The following PCDHGA7 variants were observed in gnomAD, a reference collection of about 807,000 sequenced individuals.
The protein encoded by PCDHGA7 is protocadherin gamma-A7.
A neutral mutation model predicts 58.3 loss-of-function variants in PCDHGA7; 44 were observed. That is an observed-to-expected ratio of 0.75 (90% CI 0.59 to 0.97). The LOEUF is 0.97. Among genes scored for constraint, PCDHGA7 ranks in the 50% least tolerant of loss-of-function variants. The probability of loss-of-function intolerance (pLI) is 0.00; values close to 1 mark genes in which losing one functional copy is unlikely to be tolerated. For synonymous variants in PCDHGA7, 516 were observed against 504.2 expected, an observed-to-expected ratio of 1.02 and a Z score of -0.31; for missense variants, 1,266 against 1,188.7, an observed-to-expected ratio of 1.06 and a Z score of -0.96.
At position 141,463,610 on chromosome 5, in the gene PCDHGA7, G is replaced by T. The variant is rs189991450; in HGVS notation, c.2425-31197G>T. Among the ~76,000 whole-genome samples, 263 of 151,786 alleles carry T rather than the reference G, an allele frequency of 1.7e-3. 1 individual carries two copies. The highest frequency in any genetic ancestry group is 3.4e-3 in the Middle Eastern group (1 of 292). ...ACTACAGGTGCCTGCCACCATGCCC[G>T]GCTAATTTTTTGTATTTTGTTTAGT... On this transcript the variant is annotated intron_variant, in intron 1 of 3. Transcript: ENST00000518325.
At position 141,414,686 on chromosome 5, in the gene PCDHGA7, C is replaced by A. The variant is rs201724090; in HGVS notation, c.2424+29363C>A. On this transcript the variant is annotated intron_variant, in intron 1 of 3. Coordinates refer to ENST00000518325, the MANE Select transcript of PCDHGA7 (RefSeq NM_018920.4). ...GCTGAAGACACCATCCAGGGGGTAC[C>A]TCTGTCCTCATACATATCCATCAAC... 57 of 1,613,924 alleles carry A rather than the reference C, an allele frequency of 3.5e-5. No homozygotes were observed. The highest frequency in any genetic ancestry group is 1.6e-4 in the Middle Eastern group (1 of 6,084).
intron 1 of PCDHGA7, among the ~76,000 whole-genome samples, chr5:141,482,458 C>G (rs986628162): frequency 1.4e-5 from 2 of 147,624 alleles, no homozygotes; most frequent in African/African-American, 2.6e-5. Flanking sequence ...ATTAGCATCC[C>G]TATGTGCCAG....
intron 1 of PCDHGA7, chr5:141,388,653 C>T (rs1315025499): frequency 6.2e-7 from 1 of 1,613,728 alleles, no homozygotes; most frequent in Non-Finnish European, 8.5e-7. Context: ...AAACGTGTAC[C>T]CGGGGACCAC....
chr5:141,481,676 G>T (rs975849679), intron 1 of PCDHGA7, among the ~76,000 whole-genome samples: 1 of 152,028 alleles, frequency 6.6e-6, no homozygotes, highest in Non-Finnish European at 1.5e-5. Flanking sequence ...AAATCAGGCC[G>T]GGCCTGGTGG....
intron 1 of PCDHGA7, among the ~76,000 whole-genome samples, chr5:141,469,186 G>T (rs536021769): frequency 6.6e-6 from 1 of 151,978 alleles, no homozygotes; most frequent in Admixed American, 6.6e-5. Flanking sequence ...TGAGGCAAGA[G>T]GATTGCTTGA....
At chr5:141,403,240 T>A (rs948095468) in intron 1 of PCDHGA7, 2 of 1,613,926 alleles carry the variant, frequency 1.2e-6, no homozygotes, top group Admixed American at 3.3e-5. Flanking sequence ...AGGAGCTCTG[T>A]GCTCAGAGCC....
At position 141,384,379 on chromosome 5, in the gene PCDHGA7, G is replaced by C; in HGVS notation, c.1480G>C (p.Asp494His). The change falls in exon 1 of 4, where the codon GAC becomes CAC. Residue 494 changes from aspartate to histidine, a missense_variant. Asp to His is a moderately conservative substitution (Grantham distance 81). Coordinates refer to ENST00000518325, the MANE Select transcript of PCDHGA7 (RefSeq NM_018920.4). ...NAQITYSLAE[D>H]TIQGAPVSSY... ...CCAGATCACTTATTCCTTGGCCGAA[G>C]ACACCATCCAGGGGGCTCCAGTGTC... The C allele has an allele frequency of 6.2e-7, 1 of 1,613,934 alleles. No homozygotes were observed. The highest frequency in any genetic ancestry group is 8.5e-7 in the Non-Finnish European group (1 of 1,179,902).
intron 1 of PCDHGA7, chr5:141,404,934 C>A: frequency 5.6e-6 from 9 of 1,613,986 alleles, no homozygotes; most frequent in Non-Finnish European, 6.8e-6. Flanking sequence ...GTCACGCTCA[C>A]AGTAGCCATA....
At chr5:141,464,685 C>A (rs1283627323) in intron 1 of PCDHGA7, among the ~76,000 whole-genome samples, 1 of 152,006 alleles carries the variant, frequency 6.6e-6, no homozygotes, top group Non-Finnish European at 1.5e-5. Flanking sequence ...ATTAAAATTT[C>A]TCTTATTATG....
chr5:141,403,850 G>A lies in PCDHGA7; in HGVS notation c.2424+18527G>A, dbSNP rs368454282. The A allele has an allele frequency of 1.4e-5, 23 of 1,613,634 alleles. No individual in the cohort carries two copies. In the African/African-American group the frequency reaches 3.1e-4, roughly 22 times the overall value. On this transcript the variant is annotated intron_variant, in intron 1 of 3. Coordinates refer to ENST00000518325, the MANE Select transcript of PCDHGA7 (RefSeq NM_018920.4). Reference sequence around the variant, plus strand: ...ATTCCAGCTTAATGAAAATACTGGGGAAATATCAACAGCAAAAAGTCTAGA... The same window carrying A: ...ATTCCAGCTTAATGAAAATACTGGGAAAATATCAACAGCAAAAAGTCTAGA...
intron 1 of PCDHGA7, among the ~76,000 whole-genome samples, chr5:141,457,424 C>T (rs1261475379): frequency 6.6e-6 from 1 of 152,068 alleles, no homozygotes; most frequent in Non-Finnish European, 1.5e-5. Context: ...TCCCTTTTTC[C>T]CCCCCACCAA....
chr5:141,383,570 G>A lies in PCDHGA7; in HGVS notation c.671G>A (p.Ser224Asn). 6.2e-7 allele frequency: 1 copy of A among 1,613,234 alleles called. No individual in the cohort carries two copies. Among genetic ancestry groups the A allele is most frequent in the Non-Finnish European group, 8.5e-7 (1 of 1,179,712 alleles). ...GATGGCGGCGACCCGCCCCGATCCA[G>A]CACCGCCCACATCCAGGTGACAGTG... ...ASDGGDPPRS[S>N]TAHIQVTVVD... Residue 224 changes from serine (S) to asparagine (N), a missense_variant, in exon 1 of 4, where the codon AGC becomes AAC. By Grantham distance (46) the Ser-to-Asn change is conservative (BLOSUM62 1). Coordinates refer to ENST00000518325, the MANE Select transcript of PCDHGA7 (RefSeq NM_018920.4).
Position 141,489,089 on chromosome 5 carries a change from A to G in PCDHGA7, c.2425-5718A>G. 5.6e-5 allele frequency: 16 copies of G among 284,404 alleles called. No individual in the cohort carries two copies. The highest frequency in any genetic ancestry group is 9.0e-5 in the Non-Finnish European group (14 of 156,416). The allele number at this position is 284,404 out of a possible 1,614,324, so 17.6% of individuals were successfully genotyped here. On this transcript the variant is annotated intron_variant, in intron 1 of 3. Coordinates refer to ENST00000518325, the MANE Select transcript of PCDHGA7 (RefSeq NM_018920.4). The surrounding 1 kb of genome is among the most constrained non-coding windows in gnomAD (Gnocchi z 4.5). ...CCCTGCCCACCCCCGCCACTCGGTG[A>G]CTAAGAACTGCTGCAAGCAGGCAAA...
At chr5:141,395,586 G>C (rs1222744910) in intron 1 of PCDHGA7, 1 of 169,736 alleles carries the variant, frequency 5.9e-6, no homozygotes, top group African/African-American at 2.8e-5. Context: ...GTGTGTGTGT[G>C]TGTGTATCCC....
Position 141,431,721 on chromosome 5 carries a change from C to T in PCDHGA7, c.2424+46398C>T. The T allele has an allele frequency of 1.2e-6, 2 of 1,614,246 alleles. No homozygotes were observed. Among genetic ancestry groups the T allele is most frequent in the Non-Finnish European group, 1.7e-6 (2 of 1,180,044 alleles). On this transcript the variant is annotated intron_variant, in intron 1 of 3. Transcript: ENST00000518325. The surrounding 1 kb of genome is among the most constrained non-coding windows in gnomAD (Gnocchi z 4.8). ...GGATTCTACCAGATGGAAGTGCAAGCAATGGATAATGCAGGATATTCTGCG... is the reference window on the plus strand; with the variant it reads ...GGATTCTACCAGATGGAAGTGCAAGTAATGGATAATGCAGGATATTCTGCG...
intron 1 of PCDHGA7, among the ~76,000 whole-genome samples, chr5:141,448,706 C>T (rs1344013319): frequency 1.3e-5 from 2 of 151,730 alleles, no homozygotes; most frequent in African/African-American, 2.4e-5. Flanking sequence ...TTTGGGAGGC[C>T]GAGGCGGGAG....
At chr5:141,393,542 T>A in intron 1 of PCDHGA7, 3 of 1,613,964 alleles carry the variant, frequency 1.9e-6, no homozygotes, top group Non-Finnish European at 2.5e-6. Flanking sequence ...CGGTTTTTCC[T>A]CACCCGATTT....
intron 1 of PCDHGA7, chr5:141,423,477 C>T (rs376147466): frequency 1.5e-5 from 24 of 1,613,872 alleles, no homozygotes; most frequent in Non-Finnish European, 1.9e-5. Flanking sequence ...TACAGGCTTT[C>T]CTGCAAACCT....
rs1041367498 is a variant in PCDHGA7 at position 141,489,060 on chromosome 5, T to G, written c.2425-5747T>G. ...CAGCTCCACTCAAATTCAGCTCCCCTCCCCCCTGCCCACCCCCGCCACTCG... is the reference window on the plus strand; with the variant it reads ...CAGCTCCACTCAAATTCAGCTCCCCGCCCCCCTGCCCACCCCCGCCACTCG... On this transcript the variant is annotated intron_variant, in intron 1 of 3. Transcript: ENST00000518325. This position sits in a 1 kb window ranked among gnomAD's most constrained non-coding sequence, Gnocchi z 4.5. The G allele has an allele frequency of 1.7e-5, 5 of 300,224 alleles. No individual in the cohort carries two copies. The highest frequency in any genetic ancestry group is 2.4e-5 in the African/African-American group (1 of 42,484). The allele number at this position is 300,224 out of a possible 1,614,324, so 18.6% of individuals were successfully genotyped here.
Sources: allele counts gnomAD v4.1 joint callset (sites outside exome capture counted in the v4.1 genomes callset), GRCh38; gene constraint gnomAD v4.1.1; non-coding constraint Gnocchi (gnomAD v3.1); transcripts MANE v1.5; gene names NCBI Gene and HGNC (gene_info 2026-07-23, HGNC 2026-07-21).